KCNE1: variants seen among roughly 807,000 people sequenced by gnomAD.
KCNE1 encodes potassium voltage-gated channel subfamily E regulatory subunit 1.
Under a neutral mutation model 2.9 loss-of-function variants are expected in KCNE1, and 1 was observed. The ratio of observed to expected loss-of-function variants is 0.34; its 90% CI spans 0.12 to 1.62. The LOEUF is 1.62. Among genes scored for constraint, KCNE1 ranks in the 40% most tolerant of loss-of-function variants. The pLI, the probability that KCNE1 is intolerant of heterozygous loss-of-function variation, is 0.36. For missense variants in KCNE1, 45 were observed against 150.5 expected, an observed-to-expected ratio of 0.30 and a Z score of 3.67; for synonymous variants, 23 against 65.4, an observed-to-expected ratio of 0.35 and a Z score of 3.13.
chr21:34,504,603 C>T (rs1983369823), intron 2 of KCNE1, among the ~76,000 whole-genome samples: 1 of 152,226 alleles, frequency 6.6e-6, no homozygotes, highest in African/African-American at 2.4e-5. Context: ...CACATGGACA[C>T]TTGGACACAA....
chr21:34,508,797 T>C (rs1405266145), intron 2 of KCNE1, among the ~76,000 whole-genome samples: 1 of 152,230 alleles, frequency 6.6e-6, no homozygotes, highest in African/African-American at 2.4e-5. Context: ...CCCTTTTTAT[T>C]GATATGTTCA....
intron 2 of KCNE1, among the ~76,000 whole-genome samples, chr21:34,497,507 A>T (rs1487914255): frequency 6.6e-6 from 1 of 152,116 alleles, no homozygotes; most frequent in African/African-American, 2.4e-5. Context: ...TAAAGATAAG[A>T]CCCCAATTCC....
chr21:34,510,532 C>G (rs60732088), intron 2 of KCNE1: 1,673 of 152,976 alleles, frequency 0.011, 53 homozygotes, highest in East Asian at 0.1. Context: ...CAAAGATACT[C>G]AGGCTCTCTC....
chr21:34,504,119 C>T (rs1983331358), intron 2 of KCNE1, among the ~76,000 whole-genome samples: 1 of 152,220 alleles, frequency 6.6e-6, no homozygotes, highest in African/African-American at 2.4e-5. Context: ...CTAGGCCCCA[C>T]ATCAATGGGC....
rs1019254641 is a variant in KCNE1, at chr21:34,449,850, T to C, written c.-50-166A>G. On this transcript the variant is annotated intron_variant, in intron 3 of 3. Coordinates refer to ENST00000399286, the MANE Select transcript of KCNE1 (RefSeq NM_000219.6). The stretch of plus-strand genomic sequence containing the variant: ...GGGTCTGTGCAATGCCTTCTCTTGA[T>C]AGATGAATGGATACATTGATTCCCT... 2.4e-5 allele frequency among the ~76,000 whole-genome samples: 2 copies of C among 83,248 alleles called. 1 individual carries two copies. The highest frequency in any genetic ancestry group is 1.0e-4 in the African/African-American group (2 of 19,338). 54.6% of individuals were successfully genotyped at this position (83,248 alleles called of 152,430 possible).
At chr21:34,496,735 T>C (rs761049534) in intron 2 of KCNE1, among the ~76,000 whole-genome samples, 2 of 152,206 alleles carry the variant, frequency 1.3e-5, no homozygotes, top group African/African-American at 2.4e-5. Flanking sequence ...GTCTTGATGA[T>C]CCATCTAGTG....
At chr21:34,505,150 T>G (rs747720525) in intron 2 of KCNE1, among the ~76,000 whole-genome samples, 77 of 152,308 alleles carry the variant, frequency 5.1e-4, no homozygotes, top group East Asian at 3.9e-4. Context: ...TTTATTTATT[T>G]TGAGACAGAG....
intron 2 of KCNE1, chr21:34,509,332 C>A (rs1983696051): frequency 6.6e-6 from 1 of 152,372 alleles, no homozygotes; most frequent in Admixed American, 6.5e-5. Flanking sequence ...CCACATGGCA[C>A]CCCAGTCTCA....
Position 34,507,273 on chromosome 21 carries a change from CTTGAGAG to C in KCNE1, c.-162+3821_-162+3827del, listed in dbSNP as rs1983552220. On this transcript the variant is annotated intron_variant, in intron 2 of 3. Coordinates refer to ENST00000399286, the MANE Select transcript of KCNE1 (RefSeq NM_000219.6). ...AAGATAGAAGAGAGAATGGCCAGGA[CTTGAGAG>C]TGGCTGAAGTCGGGTACAGGGAGAC... Among the ~76,000 whole-genome samples, 4 of 152,056 alleles carry C rather than the reference CTTGAGAG, an allele frequency of 2.6e-5. No individual in the cohort carries two copies. In the South Asian group the frequency reaches 8.3e-4, roughly 32 times the overall value.
At chr21:34,504,148 A>G (rs16991747) in intron 2 of KCNE1, among the ~76,000 whole-genome samples, 3,736 of 152,308 alleles carry the variant, frequency 0.025, 142 homozygotes, top group African/African-American at 0.085. Flanking sequence ...TTCGGAGGAA[A>G]GGACAACCAC....
In KCNE1 at chr21:34,511,147, C is replaced by T. The variant is rs1219043755; in HGVS notation, c.-208G>A. 1 of 985,588 alleles carries T rather than the reference C, an allele frequency of 1.0e-6. No individual in the cohort carries two copies. The highest frequency in any genetic ancestry group is 1.2e-6 in the Non-Finnish European group (1 of 830,140). The allele number at this position is 985,588 out of a possible 1,614,324, so 61.1% of individuals were successfully genotyped here. A position where few individuals can be genotyped will look rare whatever the true frequency, so the allele number is the denominator to read the frequency against. ...CCTCAAGCACACTGCGGTGTCCACA[C>T]CATTGGCAGCAGGCTCCTTCTCTTC... On this transcript the variant is annotated 5_prime_UTR_variant, in exon 2 of 4. In the 5' UTR this introduces an upstream ATG that the reference lacks. Coordinates refer to ENST00000399286, the MANE Select transcript of KCNE1 (RefSeq NM_000219.6).
At chr21:34,498,771 T>A (rs1982963739) in intron 2 of KCNE1, among the ~76,000 whole-genome samples, 1 of 152,266 alleles carries the variant, frequency 6.6e-6, no homozygotes, top group Non-Finnish European at 1.5e-5. Flanking sequence ...TTGTTTTCTC[T>A]TTCCTTGAAG....
intron 2 of KCNE1, among the ~76,000 whole-genome samples, chr21:34,500,228 A>AGT (rs1983082458): frequency 6.6e-6 from 1 of 152,238 alleles, no homozygotes; most frequent in Non-Finnish European, 1.5e-5. Flanking sequence ...ATATACACAC[A>AGT]GTACTTTCTT....
Position 34,511,253 on chromosome 21 carries a change from C to T in KCNE1, c.-314G>A, listed in dbSNP as rs1983827807. The T allele has an allele frequency of 2.0e-6, 2 of 985,566 alleles. No homozygotes were observed. Among genetic ancestry groups the T allele is most frequent in the Non-Finnish European group, 2.4e-6 (2 of 830,018 alleles). The allele number at this position is 985,566 out of a possible 1,614,324, so 61.1% of individuals were successfully genotyped here. The stretch of plus-strand genomic sequence containing the variant: ...CCTGAGCACGGTTCTCCTGGTTGAG[C>T]TCCAGGCCATGCCATTCAACGCCCT... On this transcript the variant is annotated 5_prime_UTR_variant, in exon 2 of 4. Transcript: ENST00000399286.
intron 2 of KCNE1, among the ~76,000 whole-genome samples, chr21:34,503,978 C>T (rs957711731): frequency 1.3e-5 from 2 of 152,198 alleles, no homozygotes; most frequent in South Asian, 2.1e-4. Flanking sequence ...CCCACAGCTA[C>T]CCACTAGTAA....
Position 34,507,598 on chromosome 21 carries a change from A to G in KCNE1, c.-162+3503T>C, listed in dbSNP as rs573940181. Among the ~76,000 whole-genome samples, 6 of 152,338 alleles carry G rather than the reference A, an allele frequency of 3.9e-5. No homozygotes were observed. The East Asian group carries it at 1.2e-3, about 29-fold the overall frequency. On this transcript the variant is annotated intron_variant, in intron 2 of 3. Coordinates refer to ENST00000399286, the MANE Select transcript of KCNE1 (RefSeq NM_000219.6). ...TGGGGGATTAAATGATGGCTGAGGG[A>G]CGGGGTACCCCAGAATGTCCCTTGC...
At chr21:34,499,820 C>T (rs192070412) in intron 2 of KCNE1, among the ~76,000 whole-genome samples, 129 of 152,290 alleles carry the variant, frequency 8.5e-4, no homozygotes, top group Admixed American at 1.5e-3. Context: ...TTAAAAGGAT[C>T]AGTGAATTAT....
rs187686559 is a variant in KCNE1 at position 34,449,605 on chromosome 21, C to T, written c.30G>A (p.Thr10=). 184 of 913,908 alleles carry T rather than the reference C, an allele frequency of 2.0e-4. 3 individuals carry two copies. The East Asian group carries it at 2.4e-3, about 12-fold the overall frequency. The allele number at this position is 913,908 out of a possible 1,614,324, so 56.6% of individuals were successfully genotyped here. A position where few individuals can be genotyped will look rare whatever the true frequency, so the allele number is the denominator to read the frequency against. The part of the protein sequence containing the change: MILSNTTAV[T]PFLTKLWQET... ...CCTGCCACAGCTTGGTCAGAAAGGG[C>T]GTCACCGCTGTGGTGTTAGACAGGA... is the stretch of plus-strand genomic sequence containing the variant. The change falls in exon 4 of 4, where the codon ACG becomes ACA. Residue 10 remains threonine, a synonymous_variant. Coordinates refer to ENST00000399286, the MANE Select transcript of KCNE1 (RefSeq NM_000219.6).
Position 34,449,972 on chromosome 21 carries a change from T to C in KCNE1, c.-50-288A>G, listed in dbSNP as rs2070358. On this transcript the variant is annotated intron_variant, in intron 3 of 3. Transcript: ENST00000399286. Reference sequence around the variant, plus strand: ...TGCTGCATATTGTGGCGTATGGGGTTGCATGTGTGCATTTTGGTTTACCTA... The same window carrying C: ...TGCTGCATATTGTGGCGTATGGGGTCGCATGTGTGCATTTTGGTTTACCTA... Among the ~76,000 whole-genome samples, 1,109 of 79,036 alleles carry C rather than the reference T, an allele frequency of 0.014. 31 individuals carry two copies. The highest frequency in any genetic ancestry group is 0.026 in the East Asian group (47 of 1,784). The allele number at this position is 79,036 out of a possible 152,430, so 51.9% of individuals were successfully genotyped here.
Sources: gnomAD v4.1 joint callset for allele counts (sites outside exome capture counted in the v4.1 genomes callset) on GRCh38, gnomAD v4.1.1 for gene constraint, MANE v1.5 for transcripts, NCBI Gene and HGNC (gene_info 2026-07-23, HGNC 2026-07-21) for gene names.